Variants in CSMD1 observed in about 807,000 individuals in gnomAD.
CSMD1 encodes CUB and sushi domain-containing protein 1.
A neutral mutation model predicts 417.5 loss-of-function variants in CSMD1; 213 were observed. That is an observed-to-expected ratio of 0.51 (90% confidence interval 0.46 to 0.57). The LOEUF (loss-of-function observed/expected upper bound fraction) is 0.57. Among genes scored for constraint, CSMD1 ranks in the 20% least tolerant of loss-of-function variants. CSMD1 has a pLI of 0.00. For synonymous variants in CSMD1, 2,862 were observed against 1,736.8 expected, an observed-to-expected ratio of 1.65 and a Z score of -16.11; for missense variants, 6,923 against 4,529.7, an observed-to-expected ratio of 1.53 and a Z score of -15.17.
intron 12 of CSMD1, among the ~76,000 whole-genome samples, chr8:3,441,422 G>A (rs1381463975): frequency 6.6e-6 from 1 of 151,588 alleles, no homozygotes; most frequent in Non-Finnish European, 1.5e-5. Context: ...AAATGACATT[G>A]ATTTTGAAAT....
chr8:3,517,830 A>C (rs1797345505), intron 10 of CSMD1, among the ~76,000 whole-genome samples: 1 of 152,196 alleles, frequency 6.6e-6, no homozygotes, highest in Non-Finnish European at 1.5e-5. Context: ...AGAAACACCC[A>C]ACGACCCATC....
intron 3 of CSMD1, among the ~76,000 whole-genome samples, chr8:4,174,507 A>T (rs903814422): frequency 2.6e-5 from 4 of 151,308 alleles, no homozygotes; most frequent in Non-Finnish European, 4.4e-5. Flanking sequence ...CTATGGGTAT[A>T]TATAATAAAT....
intron 3 of CSMD1, among the ~76,000 whole-genome samples, chr8:4,062,133 G>C (rs1010516884): frequency 6.6e-6 from 1 of 152,056 alleles, no homozygotes; most frequent in Non-Finnish European, 1.5e-5. Flanking sequence ...AGGGTCAGTG[G>C]AGGCTCATGA....
In CSMD1 at chr8:4,389,159, T is replaced by A. The variant is rs548662932; in HGVS notation, c.415+30794A>T. On this transcript the variant is annotated intron_variant, in intron 3 of 69. Coordinates refer to ENST00000635120, the MANE Select transcript of CSMD1 (RefSeq NM_033225.6). ...TCTGTTCTAAAGCTTTTCATTAATTTAAAACACAAAATAACATCAACTGGC... is the reference window on the plus strand; with the variant it reads ...TCTGTTCTAAAGCTTTTCATTAATTAAAAACACAAAATAACATCAACTGGC... 2.0e-5 allele frequency among the ~76,000 whole-genome samples: 3 copies of A among 152,338 alleles called. No homozygotes were observed. The East Asian group carries it at 5.8e-4, about 29-fold the overall frequency.
At chr8:4,198,845 A>C (rs1341181621) in intron 3 of CSMD1, among the ~76,000 whole-genome samples, 1 of 152,110 alleles carries the variant, frequency 6.6e-6, no homozygotes, top group Admixed American at 6.5e-5. Flanking sequence ...CTCAGGAGAG[A>C]CAGCGCAACA....
chr8:4,094,709 G>T lies in CSMD1; in HGVS notation c.416-62610C>A, dbSNP rs183001271. Reference sequence around the variant, plus strand: ...GAGAGGAAACGCCGGCTTCTAGAGAGACAGGGCAGTGGGGAGCCTCCTTCT... The same window carrying T: ...GAGAGGAAACGCCGGCTTCTAGAGATACAGGGCAGTGGGGAGCCTCCTTCT... On this transcript the variant is annotated intron_variant, in intron 3 of 69. Transcript: ENST00000635120. Among the ~76,000 whole-genome samples, 36 of 152,266 alleles carry T rather than the reference G, an allele frequency of 2.4e-4. 1 individual carries two copies. In the Middle Eastern group the frequency reaches 0.01, roughly 43 times the overall value.
chr8:4,003,005 A>G (rs74702259), intron 4 of CSMD1, among the ~76,000 whole-genome samples: 1 of 110,304 alleles, frequency 9.1e-6, no homozygotes, highest in Non-Finnish European at 1.9e-5. Flanking sequence ...TTTTTTCAAA[A>G]TAAATGTATA....
At chr8:4,276,185 A>C (rs1410544008) in intron 3 of CSMD1, among the ~76,000 whole-genome samples, 2 of 152,242 alleles carry the variant, frequency 1.3e-5, no homozygotes, top group African/African-American at 4.8e-5. Context: ...TGCTTATTGC[A>C]GCACTGTTCA....
chr8:3,653,391 C>T (rs1441336586), intron 7 of CSMD1, among the ~76,000 whole-genome samples: 1 of 152,184 alleles, frequency 6.6e-6, no homozygotes, highest in East Asian at 1.9e-4. Context: ...TCATTGCAAC[C>T]TCCGCCTCCT....
chr8:4,069,642 G>A (rs1283988753), intron 3 of CSMD1, among the ~76,000 whole-genome samples: 1 of 152,134 alleles, frequency 6.6e-6, no homozygotes, highest in Non-Finnish European at 1.5e-5. Context: ...AGCCTCTGCA[G>A]CTTCCTGGGC....
At chr8:3,877,289 G>A (rs1423906667) in intron 5 of CSMD1, among the ~76,000 whole-genome samples, 1 of 152,106 alleles carries the variant, frequency 6.6e-6, no homozygotes, top group Non-Finnish European at 1.5e-5. Context: ...GTGGTGAAAG[G>A]AAACTTCTGC....
chr8:3,199,051 G>T (rs1371567935), intron 33 of CSMD1, among the ~76,000 whole-genome samples: 1 of 152,180 alleles, frequency 6.6e-6, no homozygotes, highest in Non-Finnish European at 1.5e-5. Flanking sequence ...TGTATGAACA[G>T]TTTATGTGGT....
At chr8:4,187,543 C>T (rs548763537) in intron 3 of CSMD1, among the ~76,000 whole-genome samples, 1 of 152,116 alleles carries the variant, frequency 6.6e-6, no homozygotes, top group African/African-American at 2.4e-5. Flanking sequence ...ACTTGGGAGA[C>T]TCAGGTAGGA....
chr8:4,329,413 C>G (rs543333086), intron 3 of CSMD1, among the ~76,000 whole-genome samples: 2 of 152,018 alleles, frequency 1.3e-5, no homozygotes, highest in African/African-American at 2.4e-5. Context: ...CGCAGCCTCC[C>G]GGGTAGCTGG....
intron 5 of CSMD1, among the ~76,000 whole-genome samples, chr8:3,988,778 G>C (rs1297423076): frequency 6.6e-6 from 1 of 152,194 alleles, no homozygotes; most frequent in Non-Finnish European, 1.5e-5. Flanking sequence ...GTGAAACAAT[G>C]CTGATTATGG....
chr8:4,975,542 G>A (rs374024499), intron 1 of CSMD1, among the ~76,000 whole-genome samples: 1 of 152,314 alleles, frequency 6.6e-6, no homozygotes, highest in South Asian at 2.1e-4. Flanking sequence ...TGAAGGAAGT[G>A]AAGCCCAGGA....
intron 57 of CSMD1, among the ~76,000 whole-genome samples, chr8:2,967,251 C>T (rs950399064): frequency 6.6e-6 from 1 of 152,252 alleles, no homozygotes; most frequent in African/African-American, 2.4e-5. Flanking sequence ...TAAAGAATGC[C>T]TCAGAAGTAT....
chr8:3,293,305 T>G (rs1803716284), intron 25 of CSMD1, among the ~76,000 whole-genome samples: 1 of 152,156 alleles, frequency 6.6e-6, no homozygotes, highest in Admixed American at 6.5e-5. Context: ...TTATGTGTCT[T>G]TGAGTTGCTC....
intron 7 of CSMD1, among the ~76,000 whole-genome samples, chr8:3,645,138 G>C (rs545527380): frequency 7.2e-5 from 11 of 152,222 alleles, no homozygotes; most frequent in African/African-American, 1.9e-4. Context: ...GCCAAATCAG[G>C]ATGAGTAACA....
Sources: gnomAD v4.1 joint callset for allele counts (sites outside exome capture counted in the v4.1 genomes callset) on GRCh38, gnomAD v4.1.1 for gene constraint, MANE v1.5 for transcripts, NCBI Gene and HGNC (gene_info 2026-07-23, HGNC 2026-07-21) for gene names.